The following RARB variants were observed in gnomAD, a reference collection of about 807,000 sequenced individuals.
RARB encodes HBV-activated protein.
Under a neutral mutation model 51.9 loss-of-function variants are expected in RARB, and 17 were observed. The ratio of observed to expected loss-of-function variants is 0.33; its 90% CI spans 0.22 to 0.49. The LOEUF is 0.49. Among genes scored for constraint, RARB ranks in the 20% least tolerant of loss-of-function variants. RARB has a pLI of 0.99. For missense variants in RARB, 369 were observed against 550.8 expected (o/e 0.67, Z 3.30); for synonymous variants, 215 against 195.4 (o/e 1.10, Z -0.84).
intron 2 of RARB, among the ~76,000 whole-genome samples, chr3:24,986,163 G>A (rs1256287736): frequency 2.0e-5 from 3 of 152,176 alleles, no homozygotes; most frequent in Admixed American, 2.0e-4. Flanking sequence ...TCAGGAAATA[G>A]GTATTGAATG....
At chr3:25,533,019 T>C (rs1345969178) in intron 3 of RARB, among the ~76,000 whole-genome samples, 1 of 152,180 alleles carries the variant, frequency 6.6e-6, no homozygotes, top group East Asian at 1.9e-4. Flanking sequence ...CCAGAAGGTA[T>C]TATATTAAAA....
intron 2 of RARB, among the ~76,000 whole-genome samples, chr3:24,941,373 T>C (rs1695663064): frequency 6.8e-6 from 1 of 145,990 alleles, no homozygotes; most frequent in Non-Finnish European, 1.5e-5. Context: ...TAAAAGGCAG[T>C]CTTTTTTTTT....
chr3:24,895,677 G>T (rs1703463748), intron 2 of RARB, among the ~76,000 whole-genome samples: 1 of 151,268 alleles, frequency 6.6e-6, no homozygotes, highest in African/African-American at 2.4e-5. Context: ...TTTAAAAAGA[G>T]ACTGTGAACC....
intron 5 of RARB, among the ~76,000 whole-genome samples, chr3:25,353,313 C>A (rs937519456): frequency 4.6e-5 from 7 of 152,122 alleles, no homozygotes; most frequent in Non-Finnish European, 5.9e-5. Context: ...TTTTATATCA[C>A]CATACTATAG....
At chr3:25,403,268 A>G (rs975425650) in intron 5 of RARB, among the ~76,000 whole-genome samples, 1 of 152,056 alleles carries the variant, frequency 6.6e-6, no homozygotes, top group Non-Finnish European at 1.5e-5. Flanking sequence ...GTGTAATTGG[A>G]TTGTTTGTAA....
intron 1 of RARB, among the ~76,000 whole-genome samples, chr3:24,841,169 T>C (rs997885684): frequency 6.6e-6 from 1 of 152,356 alleles, no homozygotes; most frequent in African/African-American, 2.4e-5. Flanking sequence ...TTCTTGAACT[T>C]TATTGTATAC....
At chr3:25,397,714 CATA>C (rs1376131371) in intron 5 of RARB, among the ~76,000 whole-genome samples, 1 of 152,132 alleles carries the variant, frequency 6.6e-6, no homozygotes, top group Non-Finnish European at 1.5e-5. Flanking sequence ...TCCTCATTAT[CATA>C]ATGTTTTCCA....
chr3:24,858,563 G>A (rs1230697588), intron 1 of RARB: 4 of 152,274 alleles, frequency 2.6e-5, no homozygotes, highest in Middle Eastern at 3.4e-3. Flanking sequence ...ACTATGTCAC[G>A]TCATGGAAAG....
intron 5 of RARB, among the ~76,000 whole-genome samples, chr3:25,355,679 CAT>C (rs1229337389): frequency 6.6e-6 from 1 of 152,066 alleles, no homozygotes; most frequent in Non-Finnish European, 1.5e-5. Context: ...TAAATATAAT[CAT>C]GTGTTATCAG....
intron 3 of RARB, among the ~76,000 whole-genome samples, chr3:25,531,349 G>A (rs926853422): frequency 6.6e-6 from 1 of 151,150 alleles, no homozygotes; most frequent in South Asian, 2.1e-4. Flanking sequence ...GGCCAAGGGG[G>A]AGATCGATAT....
At chr3:25,564,710 T>A (rs967172873) in intron 3 of RARB, among the ~76,000 whole-genome samples, 9 of 152,176 alleles carry the variant, frequency 5.9e-5, no homozygotes, top group Admixed American at 5.2e-4. Context: ...CATGTGGCCC[T>A]TGCCTTTCAG....
intron 2 of RARB, among the ~76,000 whole-genome samples, chr3:24,997,304 A>G (rs1056640668): frequency 6.6e-6 from 1 of 151,888 alleles, no homozygotes; most frequent in Non-Finnish European, 1.5e-5. Flanking sequence ...TTCTGTTTGC[A>G]TGGAATATTT....
intron 5 of RARB, among the ~76,000 whole-genome samples, chr3:25,332,780 T>G (rs560228671): frequency 2.8e-4 from 42 of 152,284 alleles, no homozygotes; most frequent in African/African-American, 9.1e-4. Context: ...GAAAACCCCA[T>G]CATCTCAGCC....
At chr3:24,870,289 G>A (rs1453141319) in intron 2 of RARB, among the ~76,000 whole-genome samples, 1 of 151,820 alleles carries the variant, frequency 6.6e-6, no homozygotes, top group South Asian at 2.1e-4. Context: ...TTTAAATCTT[G>A]TCTTTCACAT....
intron 2 of RARB, among the ~76,000 whole-genome samples, chr3:25,475,925 A>G (rs891035644): frequency 2.6e-5 from 4 of 152,210 alleles, no homozygotes; most frequent in Non-Finnish European, 2.9e-5. Flanking sequence ...AATGGCTTCA[A>G]ATAGTAGTTG....
intron 5 of RARB, among the ~76,000 whole-genome samples, chr3:25,345,699 C>T (rs1330086209): frequency 2.7e-5 from 4 of 149,804 alleles, no homozygotes; most frequent in Non-Finnish European, 5.9e-5. Context: ...CATCAAAGGA[C>T]TAAATTTAAG....
chr3:25,043,654 C>T lies in RARB; in HGVS notation c.-379-16471C>T, dbSNP rs138182211. Among the ~76,000 whole-genome samples, 251 of 152,044 alleles carry T rather than the reference C, an allele frequency of 1.7e-3. 1 individual carries two copies. The highest frequency in any genetic ancestry group is 5.6e-3 in the African/African-American group (231 of 41,474). On this transcript the variant is annotated intron_variant, in intron 2 of 11. Transcript: ENST00000383772. ...GTTACAGGGTTTTTTTTAAAGGATA[C>T]TATTTATAATTATATCAAGATGATT...
At chr3:25,309,885 A>G (rs1410154492) in intron 5 of RARB, among the ~76,000 whole-genome samples, 3 of 152,136 alleles carry the variant, frequency 2.0e-5, no homozygotes, top group African/African-American at 7.2e-5. Flanking sequence ...CTTCTTCCAG[A>G]CTGTTTATTC....
In RARB at chr3:25,031,814, T is replaced by G. The variant is rs114040429; in HGVS notation, c.-379-28311T>G. On this transcript the variant is annotated intron_variant, in intron 2 of 11. Coordinates refer to the RARB transcript ENST00000383772. The stretch of plus-strand genomic sequence containing the variant: ...ATAATTCCATATCTTCATATACTTA[T>G]CCCAACCAGTTACTCCAGTTTTAGG... Among the ~76,000 whole-genome samples the G allele has an allele frequency of 2.7e-3, 412 of 152,320 alleles. 1 individual carries two copies. Among genetic ancestry groups the G allele is most frequent in the African/African-American group, 9.6e-3 (399 of 41,572 alleles).
Sources: allele counts gnomAD v4.1 joint callset (sites outside exome capture counted in the v4.1 genomes callset), GRCh38; gene constraint gnomAD v4.1.1; transcripts MANE v1.5; gene names NCBI Gene and HGNC (gene_info 2026-07-23, HGNC 2026-07-21).